The following RBMS3 variants were observed in gnomAD, a reference collection of about 807,000 sequenced individuals.
RBMS3 encodes the protein RNA binding motif single stranded interacting protein 3, also known as RNA-binding motif, single-stranded-interacting protein 3.
Under a neutral mutation model 66.8 loss-of-function variants are expected in RBMS3, and 27 were observed. The observed-to-expected ratio is 0.40, with a 90% CI of 0.30 to 0.56. The LOEUF (loss-of-function observed/expected upper bound fraction) is 0.56. Ranked by LOEUF, RBMS3 falls within the 20% of genes least tolerant of loss-of-function variation. The pLI, the probability that RBMS3 is intolerant of heterozygous loss-of-function variation, is 0.40. For synonymous variants in RBMS3, 188 were observed against 183.0 expected (o/e 1.03, Z -0.22); for missense variants, 513 against 549.5 (o/e 0.93, Z 0.66).
intron 4 of RBMS3, among the ~76,000 whole-genome samples, chr3:29,634,684 A>T (rs1420874930): frequency 6.6e-6 from 1 of 151,804 alleles, no homozygotes. Context: ...TGTTTCCTAG[A>T]ATCACTTCCC....
At chr3:29,639,266 G>A (rs902201284) in intron 4 of RBMS3, among the ~76,000 whole-genome samples, 2 of 151,734 alleles carry the variant, frequency 1.3e-5, no homozygotes, top group Non-Finnish European at 2.9e-5. Flanking sequence ...CATGTCTAAG[G>A]GAAAGGAGAT....
At chr3:29,446,963 G>A (rs2041855850) in intron 2 of RBMS3, among the ~76,000 whole-genome samples, 1 of 134,194 alleles carries the variant, frequency 7.5e-6, no homozygotes, top group African/African-American at 2.7e-5. Flanking sequence ...TGCCCAGGCT[G>A]GAGTTCGTGG....
At chr3:29,880,469 A>T (rs772410097) in intron 7 of RBMS3, among the ~76,000 whole-genome samples, 6 of 152,152 alleles carry the variant, frequency 3.9e-5, no homozygotes. Flanking sequence ...TGATGATTTC[A>T]TGGTCCTAGC....
intron 4 of RBMS3, among the ~76,000 whole-genome samples, chr3:29,639,979 GT>G (rs1249349558): frequency 2.0e-5 from 3 of 151,786 alleles, no homozygotes; most frequent in African/African-American, 7.3e-5. Context: ...GCTATAATGT[GT>G]TGTCCTGAAC....
At chr3:29,775,727 T>C (rs561350121) in intron 6 of RBMS3, among the ~76,000 whole-genome samples, 15 of 152,148 alleles carry the variant, frequency 9.9e-5, no homozygotes, top group African/African-American at 3.6e-4. Flanking sequence ...CGTACGACCT[T>C]CCAGGTTTGC....
chr3:29,382,077 T>C (rs1428412305), intron 1 of RBMS3, among the ~76,000 whole-genome samples: 1 of 152,174 alleles, frequency 6.6e-6, no homozygotes, highest in Non-Finnish European at 1.5e-5. Context: ...CCTTGCAGTT[T>C]TGAATAGAAT....
At chr3:29,633,514 C>T (rs561131224) in intron 4 of RBMS3, among the ~76,000 whole-genome samples, 1 of 151,850 alleles carries the variant, frequency 6.6e-6, no homozygotes, top group Admixed American at 6.6e-5. Context: ...ATCTTGGGGA[C>T]CTGGATCTCA....
intron 1 of RBMS3, among the ~76,000 whole-genome samples, chr3:29,284,477 C>T (rs1575464565): frequency 6.6e-6 from 1 of 151,976 alleles, no homozygotes; most frequent in Non-Finnish European, 1.5e-5. Context: ...ATGATAAATA[C>T]CTTTGCTATT....
At position 29,381,906 on chromosome 3, in the gene RBMS3, T is replaced by TA. The variant is rs2038778761; in HGVS notation, c.76-52836dup. Among the ~76,000 whole-genome samples, 4 of 152,328 alleles carry TA rather than the reference T, an allele frequency of 2.6e-5. No individual in the cohort carries two copies. In the South Asian group the frequency reaches 8.3e-4, roughly 32 times the overall value. ...TCCTTTCCTGAAAGAAAACAGGGCC[T>TA]AGCATAGGAACAGCTTCTATCTTTC... is the stretch of plus-strand genomic sequence containing the variant. On this transcript the variant is annotated intron_variant, in intron 1 of 14. Transcript: ENST00000383767.
intron 1 of RBMS3, among the ~76,000 whole-genome samples, chr3:29,415,407 A>T (rs2040439966): frequency 6.6e-6 from 1 of 152,176 alleles, no homozygotes; most frequent in African/African-American, 2.4e-5. Context: ...ATAGAAATTT[A>T]TTTTTGTGTG....
chr3:29,696,324 A>C (rs1035891038), intron 4 of RBMS3, among the ~76,000 whole-genome samples: 4 of 152,242 alleles, frequency 2.6e-5, no homozygotes, highest in Non-Finnish European at 1.5e-5. Context: ...CAGAGGTAAG[A>C]TAAATGCACT....
intron 4 of RBMS3, among the ~76,000 whole-genome samples, chr3:29,718,997 A>AAT (rs1394108306): frequency 2.6e-5 from 4 of 152,174 alleles, no homozygotes; most frequent in Admixed American, 6.5e-5. Flanking sequence ...TTACTGTGTG[A>AAT]ACATATAGGT....
chr3:29,654,521 CGTGTGTGTGT>C (rs56163408), intron 4 of RBMS3, among the ~76,000 whole-genome samples: 11,767 of 118,902 alleles, frequency 0.099, 585 homozygotes, highest in Non-Finnish European at 0.11. Context: ...GAATTGGATT[CGTGTGTGTGT>C]GTGTGTGTGT....
intron 4 of RBMS3, among the ~76,000 whole-genome samples, chr3:29,613,146 T>A (rs1268016632): frequency 6.6e-6 from 1 of 152,172 alleles, no homozygotes; most frequent in Admixed American, 6.6e-5. Context: ...AATACTGCAA[T>A]GAACATGAGA....
At chr3:29,793,912 G>A (rs911220608) in intron 6 of RBMS3, among the ~76,000 whole-genome samples, 2 of 152,182 alleles carry the variant, frequency 1.3e-5, no homozygotes, top group Admixed American at 6.5e-5. Flanking sequence ...TGAATCGCTT[G>A]GTGCTACCCT....
At chr3:29,308,736 TA>T (rs200202425) in intron 1 of RBMS3, among the ~76,000 whole-genome samples, 7 of 36,234 alleles carry the variant, frequency 1.9e-4, no homozygotes, top group African/African-American at 6.5e-4. Flanking sequence ...GCATAGTGAT[TA>T]AAAAAAAACA....
Position 29,303,637 on chromosome 3 carries a change from G to T in RBMS3, c.75+21881G>T, listed in dbSNP as rs12495006. ...GAATACATTATTAAGAACATATCAA[G>T]AGAAAAATACATATCAAAGCATCAA... On this transcript the variant is annotated intron_variant, in intron 1 of 14. Transcript: ENST00000383767. Among the ~76,000 whole-genome samples the T allele has an allele frequency of 2.8e-3, 419 of 152,062 alleles. 4 individuals carry two copies. The highest frequency in any genetic ancestry group is 9.6e-3 in the African/African-American group (399 of 41,544).
intron 6 of RBMS3, among the ~76,000 whole-genome samples, chr3:29,776,404 G>T (rs1423431238): frequency 1.3e-5 from 2 of 151,818 alleles, no homozygotes; most frequent in African/African-American, 4.8e-5. Context: ...CCATTAACTC[G>T]TCATTTAACA....
intron 4 of RBMS3, among the ~76,000 whole-genome samples, chr3:29,672,702 A>G (rs1184953463): frequency 6.6e-6 from 1 of 152,228 alleles, no homozygotes; most frequent in African/African-American, 2.4e-5. Context: ...GCCATTACAT[A>G]ATGTAAAGGG....
Sources: allele counts gnomAD v4.1 joint callset (sites outside exome capture counted in the v4.1 genomes callset), GRCh38; gene constraint gnomAD v4.1.1; transcripts MANE v1.5; gene names NCBI Gene and HGNC (gene_info 2026-07-23, HGNC 2026-07-21).